AMMECR1: variants seen among roughly 807,000 people sequenced by gnomAD.
AMMECR1 encodes nuclear protein AMMECR1.
In AMMECR1, 3 loss-of-function variants were observed where a neutral mutation model predicts 22.5. The observed-to-expected ratio is 0.13, with a 90% CI of 0.06 to 0.35. AMMECR1 has a LOEUF of 0.35. Ranked by LOEUF, AMMECR1 falls within the 10% of genes least tolerant of loss-of-function variation. The pLI is 1.00. For missense variants in AMMECR1, 235 were observed against 278.7 expected (o/e 0.84, Z 1.12); for synonymous variants, 130 against 116.7 (o/e 1.11, Z -0.74).
At chrX:110,369,731 C>T (rs2068324500) in intron 2 of AMMECR1, among the ~76,000 whole-genome samples, 1 of 111,960 alleles carries the variant, frequency 8.9e-6, no homozygotes. Flanking sequence ...ACACACATAT[C>T]TCCATGTGTA....
In AMMECR1 at chrX:110,210,320, T is replaced by TA. The variant is rs927177608; in HGVS notation, c.699+6197dup. 2.5e-4 allele frequency among the ~76,000 whole-genome samples: 28 copies of TA among 110,204 alleles called. No individual in the cohort carries two copies. The South Asian group carries it at 2.7e-3, about 11-fold the overall frequency. The stretch of plus-strand genomic sequence containing the variant: ...TAATCTTAATGATAGTGACATCTTA[T>TA]AAAAAAACTCAACGTCCCTGGGAAA... On this transcript the variant is annotated intron_variant, in intron 3 of 5. Transcript: ENST00000262844.
chrX:110,346,386 T>C (rs1311688404), intron 2 of AMMECR1, among the ~76,000 whole-genome samples: 3 of 112,301 alleles, frequency 2.7e-5, no homozygotes, highest in African/African-American at 9.7e-5. Context: ...CAAATATCAC[T>C]AGTATTCAAA....
intron 2 of AMMECR1, among the ~76,000 whole-genome samples, chrX:110,359,153 T>TGAACCTAGGCA (rs2068246060): frequency 9.0e-6 from 1 of 111,325 alleles, no homozygotes; most frequent in Non-Finnish European, 1.9e-5. Flanking sequence ...AGCCAGGCTT[T>TGAACCTAGGCA]GAACCTAGGC....
intron 2 of AMMECR1, among the ~76,000 whole-genome samples, chrX:110,251,747 G>A (rs771459880): frequency 7.2e-5 from 8 of 111,536 alleles, no homozygotes; most frequent in South Asian, 3.7e-4. Flanking sequence ...GACTGATAGC[G>A]TTTTGCTCAA....
At chrX:110,318,222 C>G (rs1395956683), upstream of AMMECR1, 1 of 295,514 alleles carries the variant, frequency 3.4e-6, no homozygotes, top group Non-Finnish European at 4.5e-6. Flanking sequence ...TGCCTAGCCA[C>G]GCGGCTGCCC....
At chrX:110,405,100 C>CCA (rs1556161757) in intron 2 of AMMECR1, among the ~76,000 whole-genome samples, 3 of 100,222 alleles carry the variant, frequency 3.0e-5, no homozygotes, top group East Asian at 3.2e-4. Context: ...CCCCCCCCCC[C>CCA]CAAGCATGAG....
chrX:110,264,480 G>T lies in AMMECR1; in HGVS notation c.584+9C>A. The T allele has an allele frequency of 1.8e-6, 2 of 1,086,030 alleles. No individual in the cohort carries two copies. Among genetic ancestry groups the T allele is most frequent in the Non-Finnish European group, 2.5e-6 (2 of 803,363 alleles). The allele number at this position is 1,086,030 out of a possible 1,213,427, so 89.5% of individuals were successfully genotyped here. Reference sequence around the variant, plus strand: ...TGTAAAAGCAGAGGTAACAAAAATTGGTCTTCACCTGGTAAGTGTGTACTC... The same window carrying T: ...TGTAAAAGCAGAGGTAACAAAAATTTGTCTTCACCTGGTAAGTGTGTACTC... On this transcript the variant is annotated intron_variant, in intron 2 of 5. Coordinates refer to ENST00000262844, the MANE Select transcript of AMMECR1 (RefSeq NM_015365.3).
At chrX:110,380,702 A>C (rs1201888688) in intron 2 of AMMECR1, among the ~76,000 whole-genome samples, 1 of 112,588 alleles carries the variant, frequency 8.9e-6, no homozygotes, top group Non-Finnish European at 1.9e-5. Context: ...CTATACTACA[A>C]GGCTACAGGA....
chrX:110,387,332 T>C (rs2068462767), intron 2 of AMMECR1, among the ~76,000 whole-genome samples: 1 of 111,906 alleles, frequency 8.9e-6, no homozygotes, highest in Admixed American at 9.4e-5. Flanking sequence ...TTTGGTTTGG[T>C]CCAATTAAAA....
At chrX:110,330,168 A>G (rs1204423596) in intron 2 of AMMECR1, among the ~76,000 whole-genome samples, 1 of 111,602 alleles carries the variant, frequency 9.0e-6, no homozygotes, top group African/African-American at 3.3e-5. Context: ...ACCCGTTACT[A>G]CACTTCAATC....
intron 2 of AMMECR1, among the ~76,000 whole-genome samples, chrX:110,325,310 A>G (rs1419589970): frequency 8.9e-6 from 1 of 111,954 alleles, no homozygotes; most frequent in East Asian, 2.8e-4. Flanking sequence ...AAACATTCCA[A>G]TTATACTCTT....
At chrX:110,337,677 A>G (rs1190900269) in intron 2 of AMMECR1, among the ~76,000 whole-genome samples, 1 of 112,303 alleles carries the variant, frequency 8.9e-6, no homozygotes, top group Non-Finnish European at 1.9e-5. Flanking sequence ...AAAAAAATAA[A>G]AAATAGAATT....
At chrX:110,332,830 C>T (rs999304989) in intron 2 of AMMECR1, among the ~76,000 whole-genome samples, 10 of 111,300 alleles carry the variant, frequency 9.0e-5, no homozygotes, top group South Asian at 3.8e-4. Context: ...TGAGCTTCTC[C>T]GGGACAAGAG....
At chrX:110,354,835 T>C (rs1350508792) in intron 2 of AMMECR1, among the ~76,000 whole-genome samples, 2 of 111,705 alleles carry the variant, frequency 1.8e-5, no homozygotes, top group Non-Finnish European at 1.9e-5. Flanking sequence ...CTCTCACCAA[T>C]TCGAAATAAA....
chrX:110,256,790 C>T (rs914229483), intron 2 of AMMECR1, among the ~76,000 whole-genome samples: 4 of 111,315 alleles, frequency 3.6e-5, no homozygotes, highest in Non-Finnish European at 7.6e-5. Context: ...ATTTCTTTTG[C>T]CTTCTACTTT....
At chrX:110,353,458 C>T (rs987576567) in intron 2 of AMMECR1, among the ~76,000 whole-genome samples, 1 of 111,460 alleles carries the variant, frequency 9.0e-6, no homozygotes, top group Non-Finnish European at 1.9e-5. Flanking sequence ...CTATAAACTT[C>T]CCTCCTACGA....
chrX:110,409,763 G>T (rs746214516), intron 2 of AMMECR1, among the ~76,000 whole-genome samples: 17 of 111,325 alleles, frequency 1.5e-4, no homozygotes, highest in Middle Eastern at 4.7e-3. Context: ...AGCCTTCAGG[G>T]CTCCTGATAA....
At chrX:110,272,864 G>T (rs2067806617) in intron 1 of AMMECR1, among the ~76,000 whole-genome samples, 1 of 111,787 alleles carries the variant, frequency 8.9e-6, no homozygotes, top group African/African-American at 3.3e-5. Context: ...TGGCTGCATT[G>T]TATTTCATGG....
At position 110,263,386 on chromosome X, in the gene AMMECR1, T is replaced by C. The variant is rs187858076; in HGVS notation, c.584+1103A>G. On this transcript the variant is annotated intron_variant, in intron 2 of 5. Transcript: ENST00000262844. Reference sequence around the variant, plus strand: ...AAAATGAATATGATCCCCCAAGCCATTGGTTTTTTTTCTGGGCTTCACTGT... The same window carrying C: ...AAAATGAATATGATCCCCCAAGCCACTGGTTTTTTTTCTGGGCTTCACTGT... Among the ~76,000 whole-genome samples the C allele has an allele frequency of 8.5e-3, 949 of 111,566 alleles. 11 individuals carry two copies. The highest frequency in any genetic ancestry group is 0.029 in the African/African-American group (886 of 30,758).
Sources: allele counts gnomAD v4.1 joint callset (sites outside exome capture counted in the v4.1 genomes callset), GRCh38; gene constraint gnomAD v4.1.1; transcripts MANE v1.5; gene names NCBI Gene and HGNC (gene_info 2026-07-23, HGNC 2026-07-21).